The following KANK4 variants were observed in gnomAD, a reference collection of about 807,000 sequenced individuals.
KANK4 encodes KN motif and ankyrin repeat domain-containing protein 4.
Under a neutral mutation model 80.8 loss-of-function variants are expected in KANK4, and 50 were observed. That is an observed-to-expected ratio of 0.62 (90% CI 0.49 to 0.78). KANK4 has a LOEUF of 0.78. Ranked by LOEUF, KANK4 falls within the 30% of genes least tolerant of loss-of-function variation. KANK4 has a pLI of 0.00. For synonymous variants in KANK4, 465 were observed against 506.9 expected (o/e 0.92, Z 1.11); for missense variants, 1,196 against 1,240.1 (o/e 0.96, Z 0.53).
rs1348913642 is a variant in KANK4, at chr1:62,247,692, G to A, written c.2683-20C>T. ...GCCTCCCTGCATGCAGAGCCACAGG[G>A]ATGTGGTGAGGTTGCTGCCAGTGGG... On this transcript the variant is annotated intron_variant, in intron 8 of 9. Coordinates refer to ENST00000371153, the MANE Select transcript of KANK4 (RefSeq NM_181712.5). 8 of 1,610,540 alleles carry A rather than the reference G, an allele frequency of 5.0e-6. No homozygotes were observed. Among genetic ancestry groups the A allele is most frequent in the Non-Finnish European group, 5.1e-6 (6 of 1,178,690 alleles).
chr1:62,311,043 C>A (rs1317050646), intron 1 of KANK4, among the ~76,000 whole-genome samples: 1 of 152,048 alleles, frequency 6.6e-6, no homozygotes, highest in Admixed American at 6.6e-5. Flanking sequence ...GGGGAAGGAA[C>A]TGGCGTGAGA....
At position 62,253,200 on chromosome 1, in the gene KANK4, T is replaced by C. The variant is rs747022382; in HGVS notation, c.2549A>G (p.Asn850Ser). The C allele has an allele frequency of 3.7e-6, 6 of 1,606,542 alleles. No individual in the cohort carries two copies. Among genetic ancestry groups the C allele is most frequent in the Non-Finnish European group, 3.4e-6 (4 of 1,177,948 alleles). ...VKLLLETGVC[N>S]VDHQNKAGYT... Reference sequence around the variant, plus strand: ...GCCAGCTTTGTTCTGATGGTCCACATTGCAGACGCCTGCAAGAGAAGCAAT... The same window carrying C: ...GCCAGCTTTGTTCTGATGGTCCACACTGCAGACGCCTGCAAGAGAAGCAAT... The change falls in exon 8 of 10, where the codon AAT becomes AGT. Residue 850 changes from asparagine (N) to serine (S), a missense_variant. Physicochemically the swap from Asn to Ser is conservative, Grantham distance 46 (BLOSUM62 1). Transcript: ENST00000371153.
intron 1 of KANK4, among the ~76,000 whole-genome samples, chr1:62,293,156 C>T (rs139405082): frequency 0.013 from 1,934 of 151,880 alleles, 35 homozygotes; most frequent in African/African-American, 0.043. Flanking sequence ...GGCACAATCT[C>T]GGCTCACTGC....
intron 2 of KANK4, among the ~76,000 whole-genome samples, chr1:62,279,608 A>G (rs1326121916): frequency 1.3e-5 from 2 of 152,218 alleles, no homozygotes; most frequent in Admixed American, 1.3e-4. Flanking sequence ...CTCCATTTGT[A>G]AAGTGGAGAT....
intron 4 of KANK4, 26 bp downstream of exon 4, chr1:62,271,452 G>A (rs749034947): frequency 1.4e-6 from 2 of 1,475,280 alleles, no homozygotes; most frequent in Admixed American, 3.3e-5. Flanking sequence ...AAGAAAGGCA[G>A]TCTGAGCTTC....
rs1010290252 is a variant in KANK4, at chr1:62,288,347, G to C, written c.-70-6713C>G. On this transcript the variant is annotated intron_variant, in intron 1 of 9. Coordinates refer to ENST00000371153, the MANE Select transcript of KANK4 (RefSeq NM_181712.5). ...AGCAAGATGGGGGCTAGGCCAGAGG[G>C]GAAAAGAGGTTCAGCTATCTGAAGA... Among the ~76,000 whole-genome samples, 13 of 152,346 alleles carry C rather than the reference G, an allele frequency of 8.5e-5. No individual in the cohort carries two copies. The East Asian group carries it at 2.5e-3, about 29-fold the overall frequency.
chr1:62,251,288 C>T (rs1570967819), intron 8 of KANK4, among the ~76,000 whole-genome samples: 2 of 152,176 alleles, frequency 1.3e-5, no homozygotes, highest in African/African-American at 4.8e-5. Flanking sequence ...GTGGGTAATA[C>T]ACAGTCCTTT....
intron 7 of KANK4, among the ~76,000 whole-genome samples, chr1:62,258,343 C>T (rs1671797853): frequency 6.6e-6 from 1 of 152,224 alleles, no homozygotes; most frequent in Non-Finnish European, 1.5e-5. Flanking sequence ...AGTAACAGAA[C>T]ACAGAGCCAT....
intron 1 of KANK4, among the ~76,000 whole-genome samples, chr1:62,296,880 C>T (rs558361118): frequency 6.6e-6 from 1 of 151,956 alleles, no homozygotes; most frequent in African/African-American, 2.4e-5. Flanking sequence ...TGGTTTTATT[C>T]CCTGTACACT....
rs563210042 is a variant in KANK4, at chr1:62,282,150, A to C, written c.-70-516T>G. Among the ~76,000 whole-genome samples the C allele has an allele frequency of 2.6e-5, 4 of 152,312 alleles. No individual in the cohort carries two copies. The South Asian group carries it at 8.3e-4, about 32-fold the overall frequency. On this transcript the variant is annotated intron_variant, in intron 1 of 9. Coordinates refer to ENST00000371153, the MANE Select transcript of KANK4 (RefSeq NM_181712.5). ...AGATGACATAATTGCAAGTACTGAC[A>C]GGGAGCTGCTACTTAGAGGTAATTT...
chr1:62,255,295 G>A (rs990928700), intron 7 of KANK4, among the ~76,000 whole-genome samples: 1 of 152,170 alleles, frequency 6.6e-6, no homozygotes, highest in Non-Finnish European at 1.5e-5. Flanking sequence ...GGAGAGGTAG[G>A]GGATCATCAG....
chr1:62,242,358 C>T (rs566459565), intron 9 of KANK4, among the ~76,000 whole-genome samples: 9 of 63,448 alleles, frequency 1.4e-4, no homozygotes, highest in African/African-American at 6.7e-4. Flanking sequence ...TGAGACCATA[C>T]CTCAAAAAAA....
chr1:62,237,007 G>C lies in KANK4; in HGVS notation c.*1270C>G, dbSNP rs1379181375. The stretch of plus-strand genomic sequence containing the variant: ...GATGATGAAATTGCGGCCCAAGGAG[G>C]TTTCATGACTCACCACAGGGGCACC... On this transcript the variant is annotated 3_prime_UTR_variant, in exon 10 of 10. Transcript: ENST00000371153. 6.6e-6 allele frequency: 1 copy of C among 152,022 alleles called. No individual in the cohort carries two copies. The highest frequency in any genetic ancestry group is 1.5e-5 in the Non-Finnish European group (1 of 68,024). 9.4% of individuals were successfully genotyped at this position (152,022 alleles called of 1,614,324 possible).
chr1:62,281,637 G>C lies in KANK4; in HGVS notation c.-70-3C>G. ...GTCTGTAAAACTTGTTGAAGGTTCT[G>C]AAAGAAAGGAGGATACAGAAGTGGT... On this transcript the variant is annotated splice_polypyrimidine_tract_variant and splice_region_variant and intron_variant, in intron 1 of 9. Coordinates refer to ENST00000371153, the MANE Select transcript of KANK4 (RefSeq NM_181712.5). The C allele has an allele frequency of 1.3e-6, 2 of 1,551,794 alleles. No individual in the cohort carries two copies. Among genetic ancestry groups the C allele is most frequent in the Admixed American group, 3.3e-5 (2 of 59,952 alleles).
chr1:62,245,064 T>G (rs1359852771), intron 9 of KANK4, among the ~76,000 whole-genome samples: 2 of 152,220 alleles, frequency 1.3e-5, no homozygotes, highest in Non-Finnish European at 2.9e-5. Flanking sequence ...CCTGCCTGCC[T>G]GTCCCACGGG....
chr1:62,304,259 C>A (rs6587966), intron 1 of KANK4, among the ~76,000 whole-genome samples: 111,589 of 151,922 alleles, frequency 0.73, 42,306 homozygotes, highest in African/African-American at 0.92. Flanking sequence ...TTAACCAAGA[C>A]GTTGATCTGA....
chr1:62,289,637 A>G (rs764979044), intron 1 of KANK4, among the ~76,000 whole-genome samples: 4 of 151,122 alleles, frequency 2.6e-5, no homozygotes, highest in African/African-American at 7.2e-5. Flanking sequence ...AAGACAGAAG[A>G]AGACAAAAAA....
chr1:62,276,509 T>C lies in KANK4; in HGVS notation c.17-1422A>G, dbSNP rs573238196. On this transcript the variant is annotated intron_variant, in intron 2 of 9. Transcript: ENST00000371153. ...TTGTGAGGACGGTCGGGTGCGGTGGTTCATGCCTGTAATCCCAGCTCTTTG... is the reference window on the plus strand; with the variant it reads ...TTGTGAGGACGGTCGGGTGCGGTGGCTCATGCCTGTAATCCCAGCTCTTTG... 3.3e-5 allele frequency among the ~76,000 whole-genome samples: 5 copies of C among 152,068 alleles called. No individual in the cohort carries two copies. In the South Asian group the frequency reaches 1.0e-3, roughly 32 times the overall value.
chr1:62,313,792 A>G (rs967219410), intron 1 of KANK4, among the ~76,000 whole-genome samples: 1 of 152,146 alleles, frequency 6.6e-6, no homozygotes, highest in Non-Finnish European at 1.5e-5. Context: ...GGTGCAGCAA[A>G]CCACCATGGC....
Sources: allele counts gnomAD v4.1 joint callset (sites outside exome capture counted in the v4.1 genomes callset), GRCh38; gene constraint gnomAD v4.1.1; transcripts MANE v1.5; gene names NCBI Gene and HGNC (gene_info 2026-07-23, HGNC 2026-07-21).